The following KIRREL3 variants were observed in gnomAD, a reference collection of about 807,000 sequenced individuals.
KIRREL3 encodes the protein kirre like nephrin family adhesion molecule 3, also known as kin of IRRE-like protein 3.
In KIRREL3, 36 loss-of-function variants were observed where a neutral mutation model predicts 89.7. That is an observed-to-expected ratio of 0.40 (90% CI 0.31 to 0.53). KIRREL3 has a LOEUF of 0.53. Ranked by LOEUF, KIRREL3 falls within the 20% of genes least tolerant of loss-of-function variation. KIRREL3 has a pLI of 0.49. For synonymous variants in KIRREL3, 445 were observed against 441.4 expected, an observed-to-expected ratio of 1.01 and a Z score of -0.10; for missense variants, 864 against 1,056.6, an observed-to-expected ratio of 0.82 and a Z score of 2.53.
chr11:126,603,243 T>C (rs924090122), intron 1 of KIRREL3, among the ~76,000 whole-genome samples: 2 of 152,186 alleles, frequency 1.3e-5, no homozygotes, highest in Non-Finnish European at 2.9e-5. Flanking sequence ...AAATTCCCAT[T>C]GAATACCGAT....
chr11:126,578,762 A>T lies in KIRREL3; in HGVS notation c.56-15850T>A, dbSNP rs1051516140. Among the ~76,000 whole-genome samples the T allele has an allele frequency of 1.3e-5, 2 of 152,074 alleles. No homozygotes were observed. Among genetic ancestry groups the T allele is most frequent in the Admixed American group, 1.3e-4 (2 of 15,270 alleles). On this transcript the variant is annotated intron_variant, in intron 1 of 16. Transcript: ENST00000525144. This position sits in a 1 kb window ranked among gnomAD's most constrained non-coding sequence, Gnocchi z 4.9. ...CACCAGTCCTGCTCCTTCTGTCTCA[A>T]TGACTGTCCCCTGTCCCTGGAGATG...
intron 2 of KIRREL3, among the ~76,000 whole-genome samples, chr11:126,546,454 C>T (rs1938818437): frequency 6.6e-6 from 1 of 152,212 alleles, no homozygotes; most frequent in South Asian, 2.1e-4. Context: ...ATGAGCTGCC[C>T]CTGCTCCTTG....
chr11:126,538,470 G>A (rs750831067), intron 2 of KIRREL3, among the ~76,000 whole-genome samples: 1 of 152,164 alleles, frequency 6.6e-6, no homozygotes, highest in Non-Finnish European at 1.5e-5. Flanking sequence ...GGAAAGACAA[G>A]GGCAGCGTGA....
chr11:126,658,896 C>T (rs1315770400), intron 1 of KIRREL3, among the ~76,000 whole-genome samples: 1 of 152,214 alleles, frequency 6.6e-6, no homozygotes, highest in Non-Finnish European at 1.5e-5. Context: ...TTTGTCCACC[C>T]TGATCTTTGG....
chr11:126,572,582 C>A (rs1028266693), intron 1 of KIRREL3, among the ~76,000 whole-genome samples: 1 of 86,644 alleles, frequency 1.2e-5, no homozygotes, highest in East Asian at 5.8e-4. Context: ...ACCCCCCCCC[C>A]GCCAAGCAGG....
At chr11:126,695,701 T>C (rs1947065945) in intron 1 of KIRREL3, among the ~76,000 whole-genome samples, 2 of 152,130 alleles carry the variant, frequency 1.3e-5, no homozygotes, top group South Asian at 4.1e-4. Context: ...CTTTCGTGTC[T>C]TGGGGGCTCT....
intron 1 of KIRREL3, among the ~76,000 whole-genome samples, chr11:126,692,036 C>T (rs745557628): frequency 2.0e-5 from 3 of 152,066 alleles, no homozygotes; most frequent in Admixed American, 1.3e-4. Context: ...TCGGTAAGAG[C>T]GTGGAGAAAT....
In KIRREL3 at chr11:126,965,041, C is replaced by A. The variant is rs1410857401; in HGVS notation, c.55+35414G>T. Reference sequence around the variant, plus strand: ...CAGATGCATAAAAGTGTTGTACTCCCAACTCAACAGATGGGATATTAGAGC... The same window carrying A: ...CAGATGCATAAAAGTGTTGTACTCCAAACTCAACAGATGGGATATTAGAGC... On this transcript the variant is annotated intron_variant, in intron 1 of 16. Coordinates refer to ENST00000525144, the MANE Select transcript of KIRREL3 (RefSeq NM_032531.4). The surrounding 1 kb of genome is among the most constrained non-coding windows in gnomAD (Gnocchi z 4.4). 2.0e-5 allele frequency among the ~76,000 whole-genome samples: 3 copies of A among 152,070 alleles called. No individual in the cohort carries two copies. Among genetic ancestry groups the A allele is most frequent in the Non-Finnish European group, 4.4e-5 (3 of 68,012 alleles).
chr11:126,799,286 G>T (rs905183421), intron 1 of KIRREL3, among the ~76,000 whole-genome samples: 2 of 134,052 alleles, frequency 1.5e-5, no homozygotes, highest in East Asian at 4.8e-4. Context: ...GTGTGTGCAT[G>T]TGTGTATCTG....
chr11:126,510,090 T>A (rs1055888456), intron 4 of KIRREL3, among the ~76,000 whole-genome samples: 11 of 151,828 alleles, frequency 7.2e-5, no homozygotes, highest in Non-Finnish European at 1.5e-4. Flanking sequence ...GGGCTAATAT[T>A]TCACCTGGGG....
chr11:126,842,194 T>C (rs1162895037), intron 1 of KIRREL3, among the ~76,000 whole-genome samples: 2 of 152,192 alleles, frequency 1.3e-5, no homozygotes, highest in African/African-American at 2.4e-5. Flanking sequence ...GAGCTCTATC[T>C]GGACTCTGCA....
At chr11:126,923,228 CT>C (rs1337898791) in intron 1 of KIRREL3, among the ~76,000 whole-genome samples, 660 of 42,570 alleles carry the variant, frequency 0.016, 119 homozygotes, top group African/African-American at 0.019. Context: ...TCTTCTTCTT[CT>C]TCTTCTTCTT....
chr11:126,775,947 G>C (rs901694287), intron 1 of KIRREL3, among the ~76,000 whole-genome samples: 1 of 152,174 alleles, frequency 6.6e-6, no homozygotes, highest in African/African-American at 2.4e-5. Context: ...CTATGGCTTG[G>C]GGGAGGTACA....
chr11:126,781,615 T>C lies in KIRREL3; in HGVS notation c.56-218703A>G, dbSNP rs115547566. ...AATTCTATGAAGAATGGGGCTCATC[T>C]CCTTTGCTATTAAAAACATTTATTC... On this transcript the variant is annotated intron_variant, in intron 1 of 16. Coordinates refer to ENST00000525144, the MANE Select transcript of KIRREL3 (RefSeq NM_032531.4). 5.4e-3 allele frequency among the ~76,000 whole-genome samples: 822 copies of C among 152,320 alleles called. 8 individuals carry two copies. Among genetic ancestry groups the C allele is most frequent in the African/African-American group, 0.018 (763 of 41,568 alleles).
rs115677662 is a variant in KIRREL3 at position 126,892,107 on chromosome 11, C to T, written c.55+108348G>A. 4.7e-3 allele frequency among the ~76,000 whole-genome samples: 716 copies of T among 152,312 alleles called. 3 individuals are homozygous for T. The highest frequency in any genetic ancestry group is 0.015 in the African/African-American group (617 of 41,570). ...GTGCACCAGAGAGAGGCCACTTAGC[C>T]TCCCTTGGCCTCAATGGCTTCTTGG... On this transcript the variant is annotated intron_variant, in intron 1 of 16. Transcript: ENST00000525144. The surrounding 1 kb of genome is among the most constrained non-coding windows in gnomAD (Gnocchi z 5.4).
At position 126,455,079 on chromosome 11, in the gene KIRREL3, C is replaced by A; in HGVS notation, c.848+1270G>T. Among the ~76,000 whole-genome samples, 1 of 152,202 alleles carries A rather than the reference C, an allele frequency of 6.6e-6. No homozygotes were observed. The highest frequency in any genetic ancestry group is 1.9e-4 in the East Asian group (1 of 5,188). Reference sequence around the variant, plus strand: ...CTTCCCTGTTCTCCATTCCCACAGGCCGGCTTATTTCCTAGGCTGGCACCA... The same window carrying A: ...CTTCCCTGTTCTCCATTCCCACAGGACGGCTTATTTCCTAGGCTGGCACCA... On this transcript the variant is annotated intron_variant, in intron 7 of 16. Coordinates refer to ENST00000525144, the MANE Select transcript of KIRREL3 (RefSeq NM_032531.4). This position sits in a 1 kb window ranked among gnomAD's most constrained non-coding sequence, Gnocchi z 6.4.
chr11:126,907,523 A>C (rs1440319901), intron 1 of KIRREL3, among the ~76,000 whole-genome samples: 1 of 152,178 alleles, frequency 6.6e-6, no homozygotes, highest in Non-Finnish European at 1.5e-5. Context: ...TTTTTGCTGG[A>C]GGGACAGGTT....
intron 1 of KIRREL3, among the ~76,000 whole-genome samples, chr11:126,804,264 C>A (rs1162943340): frequency 1.3e-5 from 2 of 152,206 alleles, no homozygotes; most frequent in African/African-American, 2.4e-5. Context: ...TCTCAACTTG[C>A]TGTCAAGAAT....
intron 1 of KIRREL3, among the ~76,000 whole-genome samples, chr11:126,942,251 T>C (rs1948475187): frequency 6.6e-6 from 1 of 152,138 alleles, no homozygotes; most frequent in South Asian, 2.1e-4. Flanking sequence ...CTCAACCATA[T>C]AGTTGAGTAA....
Sources: gnomAD v4.1 joint callset for allele counts (sites outside exome capture counted in the v4.1 genomes callset) on GRCh38, gnomAD v4.1.1 for gene constraint, Gnocchi (gnomAD v3.1) non-coding constraint, MANE v1.5 for transcripts, NCBI Gene and HGNC (gene_info 2026-07-23, HGNC 2026-07-21) for gene names.